TMEM232: variants seen among roughly 807,000 people sequenced by gnomAD.
TMEM232 encodes transmembrane protein 232.
Under a neutral mutation model 78.8 loss-of-function variants are expected in TMEM232, and 80 were observed. That is an observed-to-expected ratio of 1.01 (90% CI 0.85 to 1.22). The LOEUF is 1.22. TMEM232 is among the 50% of genes most tolerant of loss of function. The pLI is 0.00. For synonymous variants in TMEM232, 297 were observed against 254.3 expected, an observed-to-expected ratio of 1.17 and a Z score of -1.60; for missense variants, 881 against 742.2, an observed-to-expected ratio of 1.19 and a Z score of -2.17.
Position 110,424,918 on chromosome 5 carries a change from T to G in TMEM232, c.1704-2A>C, listed in dbSNP as rs546199812. ...ATTTCTGATACAGAAGGATGTTCCC[T>G]TCAAAAGAGCACAAGAACAAATCCA... On this transcript the variant is annotated splice_acceptor_variant, in intron 12 of 13. Transcript: ENST00000455884. LOFTEE classifies it high-confidence loss of function. 3.9e-6 allele frequency: 6 copies of G among 1,546,836 alleles called. No homozygotes were observed. The East Asian group carries it at 1.2e-4, about 32-fold the overall frequency.
intron 1 of TMEM232, among the ~76,000 whole-genome samples, chr5:110,736,158 G>T (rs1799138138): frequency 6.6e-6 from 1 of 152,122 alleles, no homozygotes; most frequent in Non-Finnish European, 1.5e-5. Flanking sequence ...TGTGTTATGA[G>T]TTTCTCAAAC....
chr5:110,431,707 T>G (rs1757872325), intron 12 of TMEM232, among the ~76,000 whole-genome samples: 1 of 151,700 alleles, frequency 6.6e-6, no homozygotes, highest in Non-Finnish European at 1.5e-5. Context: ...CACATATTAC[T>G]TATAGAATTG....
chr5:110,564,703 A>C (rs190248782), intron 11 of TMEM232, among the ~76,000 whole-genome samples: 41 of 152,034 alleles, frequency 2.7e-4, no homozygotes, highest in Middle Eastern at 6.8e-3. Context: ...AAAGGCATAA[A>C]CCCAAAACAG....
chr5:110,580,376 C>G (rs892303162), intron 10 of TMEM232, among the ~76,000 whole-genome samples: 1 of 151,656 alleles, frequency 6.6e-6, no homozygotes, highest in Non-Finnish European at 1.5e-5. Context: ...AGTACATTAA[C>G]ATACTGTATA....
chr5:110,540,110 C>T (rs970900100), intron 11 of TMEM232, among the ~76,000 whole-genome samples: 11 of 152,224 alleles, frequency 7.2e-5, no homozygotes, highest in Non-Finnish European at 1.3e-4. Flanking sequence ...AGCTTCCGCT[C>T]TTGGCATCCA....
intron 12 of TMEM232, among the ~76,000 whole-genome samples, chr5:110,487,126 T>C (rs1421357409): frequency 2.0e-5 from 3 of 152,074 alleles, no homozygotes; most frequent in African/African-American, 7.2e-5. Flanking sequence ...TTTGTAGGTG[T>C]ACAGAAGAGC....
At chr5:110,541,989 A>AT (rs770557582) in intron 11 of TMEM232, among the ~76,000 whole-genome samples, 1 of 152,138 alleles carries the variant, frequency 6.6e-6, no homozygotes, top group Non-Finnish European at 1.5e-5. Context: ...GGAAGGCACC[A>AT]TTTTCAGTAA....
intron 1 of TMEM232, among the ~76,000 whole-genome samples, chr5:110,670,528 A>C (rs1008236844): frequency 6.6e-6 from 1 of 152,194 alleles, no homozygotes; most frequent in Non-Finnish European, 1.5e-5. Flanking sequence ...GGATAGGAAG[A>C]ATCAATATCG....
intron 5 of TMEM232, among the ~76,000 whole-genome samples, chr5:110,637,463 A>G (rs1029212650): frequency 1.3e-4 from 20 of 151,890 alleles, no homozygotes; most frequent in Non-Finnish European, 2.2e-4. Flanking sequence ...TGATTCATCA[A>G]TGTTCTCTCA....
intron 1 of TMEM232, among the ~76,000 whole-genome samples, chr5:110,689,670 A>G (rs1000788594): frequency 3.3e-5 from 5 of 152,354 alleles, no homozygotes; most frequent in South Asian, 4.1e-4. Flanking sequence ...AAGGGCCCAT[A>G]TAGCCAAGAC....
At chr5:110,626,127 C>G (rs181038719) in intron 6 of TMEM232, among the ~76,000 whole-genome samples, 1 of 151,830 alleles carries the variant, frequency 6.6e-6, no homozygotes, top group East Asian at 1.9e-4. Flanking sequence ...ACCTAAGGCT[C>G]TATTATATTT....
At chr5:110,569,535 G>C (rs1312366925) in intron 10 of TMEM232, among the ~76,000 whole-genome samples, 1 of 151,822 alleles carries the variant, frequency 6.6e-6, no homozygotes, top group Non-Finnish European at 1.5e-5. Context: ...GGTTCAGAAA[G>C]GGAGCTGGAA....
At chr5:110,573,862 A>G (rs568095834) in intron 10 of TMEM232, among the ~76,000 whole-genome samples, 1 of 152,216 alleles carries the variant, frequency 6.6e-6, no homozygotes, top group East Asian at 1.9e-4. Context: ...TTAGAGAAAG[A>G]GGAGAAAATA....
chr5:110,579,097 T>C (rs1777880773), intron 10 of TMEM232, among the ~76,000 whole-genome samples: 1 of 151,374 alleles, frequency 6.6e-6, no homozygotes, highest in Non-Finnish European at 1.5e-5. Context: ...TTGAAAGCAG[T>C]GAGAGAAAAA....
At chr5:110,577,426 G>A (rs372002298) in intron 10 of TMEM232, among the ~76,000 whole-genome samples, 1 of 152,104 alleles carries the variant, frequency 6.6e-6, no homozygotes, top group East Asian at 1.9e-4. Flanking sequence ...CTGTTGGTGG[G>A]AGTAAATTAG....
chr5:110,637,872 A>G (rs928257521), intron 5 of TMEM232, among the ~76,000 whole-genome samples: 3 of 152,214 alleles, frequency 2.0e-5, no homozygotes, highest in African/African-American at 4.8e-5. Flanking sequence ...TTTAAATGGC[A>G]AAGGAGGTGG....
intron 12 of TMEM232, among the ~76,000 whole-genome samples, chr5:110,436,894 G>A (rs1295273334): frequency 6.6e-6 from 1 of 151,646 alleles, no homozygotes; most frequent in Non-Finnish European, 1.5e-5. Context: ...GTTATTCCTC[G>A]AGTTTTGTTC....
At chr5:110,688,500 A>G (rs1793702947) in intron 1 of TMEM232, among the ~76,000 whole-genome samples, 1 of 152,130 alleles carries the variant, frequency 6.6e-6, no homozygotes, top group African/African-American at 2.4e-5. Flanking sequence ...AGGTGACAGC[A>G]CCTCAAAAGA....
chr5:110,424,198 T>A (rs78850715), intron 13 of TMEM232, among the ~76,000 whole-genome samples: 3,064 of 152,242 alleles, frequency 0.02, 65 homozygotes, highest in African/African-American at 0.052. Context: ...GAGATAATAT[T>A]GAACTACTGG....
Sources: gnomAD v4.1 joint callset for allele counts (sites outside exome capture counted in the v4.1 genomes callset) on GRCh38, gnomAD v4.1.1 for gene constraint, MANE v1.5 for transcripts, NCBI Gene and HGNC (gene_info 2026-07-23, HGNC 2026-07-21) for gene names.